Variants in SGMS1 observed in about 807,000 individuals in gnomAD.
SGMS1 encodes phosphatidylcholine:ceramide cholinephosphotransferase 1.
Under a neutral mutation model 46.2 loss-of-function variants are expected in SGMS1, and 13 were observed. That is an observed-to-expected ratio of 0.28 (90% CI 0.18 to 0.45). The LOEUF (loss-of-function observed/expected upper bound fraction) is 0.45, where lower values mean the gene tolerates loss of function less well. Ranked by LOEUF, SGMS1 falls within the 20% of genes least tolerant of loss-of-function variation. SGMS1 has a pLI of 1.00. For synonymous variants in SGMS1, 203 were observed against 187.8 expected (o/e 1.08, Z -0.66); for missense variants, 324 against 519.9 (o/e 0.62, Z 3.66).
rs138914828 is a variant in SGMS1, at chr10:50,516,253, C to T, written c.-498+3578G>A. Among the ~76,000 whole-genome samples, 7 of 152,326 alleles carry T rather than the reference C, an allele frequency of 4.6e-5. No homozygotes were observed. In the East Asian group the frequency reaches 1.3e-3, roughly 29 times the overall value. On this transcript the variant is annotated intron_variant, in intron 3 of 10. Transcript: ENST00000361781. ...AAGCCCAAGGCAACTTAGCATTCTA[C>T]AGACCAAAAATTTCATGCTGCTTTC... is the stretch of plus-strand genomic sequence containing the variant.
At chr10:50,360,191 A>T (rs997662345) in intron 6 of SGMS1, among the ~76,000 whole-genome samples, 1 of 152,332 alleles carries the variant, frequency 6.6e-6, no homozygotes, top group Admixed American at 6.5e-5. Flanking sequence ...CAAATTCTTC[A>T]TATTCCCAAG....
intron 2 of SGMS1, among the ~76,000 whole-genome samples, chr10:50,527,735 G>A (rs567777657): frequency 1.3e-5 from 2 of 152,282 alleles, no homozygotes; most frequent in African/African-American, 4.8e-5. Flanking sequence ...TAAGCACTCC[G>A]TAGCAACCCA....
chr10:50,550,903 T>G (rs1838143359), intron 2 of SGMS1, among the ~76,000 whole-genome samples: 1 of 152,190 alleles, frequency 6.6e-6, no homozygotes, highest in African/African-American at 2.4e-5. Context: ...CATTATAACC[T>G]GAAGCATAAA....
intron 3 of SGMS1, among the ~76,000 whole-genome samples, chr10:50,509,680 G>A (rs570974536): frequency 6.6e-6 from 1 of 152,168 alleles, no homozygotes; most frequent in Non-Finnish European, 1.5e-5. Context: ...AAGATCATTA[G>A]AGCATCCACC....
At chr10:50,479,578 T>A (rs1057314706) in intron 3 of SGMS1, among the ~76,000 whole-genome samples, 4 of 152,214 alleles carry the variant, frequency 2.6e-5, no homozygotes, top group African/African-American at 7.2e-5. Context: ...TATATTTTTT[T>A]CTTACTTTTC....
At chr10:50,494,297 A>T (rs941629119) in intron 3 of SGMS1, among the ~76,000 whole-genome samples, 15 of 152,238 alleles carry the variant, frequency 9.9e-5, no homozygotes, top group African/African-American at 3.6e-4. Context: ...CAAAAAATAA[A>T]AATCATTCTA....
chr10:50,375,059 GTCA>G (rs1302835674), intron 6 of SGMS1, among the ~76,000 whole-genome samples: 1 of 151,998 alleles, frequency 6.6e-6, no homozygotes, highest in Non-Finnish European at 1.5e-5. Flanking sequence ...TAGGGCTGTG[GTCA>G]AGACTATTAA....
At chr10:50,562,792 C>T (rs888133176) in intron 2 of SGMS1, among the ~76,000 whole-genome samples, 3 of 152,182 alleles carry the variant, frequency 2.0e-5, no homozygotes, top group Non-Finnish European at 2.9e-5. Context: ...GATCCGCCCG[C>T]CTTGGCCTCC....
chr10:50,560,171 A>G (rs1465902952), intron 2 of SGMS1, among the ~76,000 whole-genome samples: 1 of 145,760 alleles, frequency 6.9e-6, no homozygotes, highest in Non-Finnish European at 1.5e-5. Flanking sequence ...TATATTATAC[A>G]TTACATATAT....
intron 2 of SGMS1, among the ~76,000 whole-genome samples, chr10:50,521,074 C>T (rs1399978218): frequency 6.6e-6 from 1 of 151,838 alleles, no homozygotes; most frequent in Non-Finnish European, 1.5e-5. Flanking sequence ...TGGGGTCTTG[C>T]TATGTGCTGG....
At chr10:50,513,282 T>C (rs994431359) in intron 3 of SGMS1, among the ~76,000 whole-genome samples, 1 of 152,158 alleles carries the variant, frequency 6.6e-6, no homozygotes, top group Non-Finnish European at 1.5e-5. Context: ...CAATGGTCCC[T>C]GGGAAAAACA....
At position 50,610,438 on chromosome 10, in the gene SGMS1, A is replaced by G. The variant is rs189118669; in HGVS notation, c.-684+13269T>C. On this transcript the variant is annotated intron_variant, in intron 1 of 10. Coordinates refer to ENST00000361781, the MANE Select transcript of SGMS1 (RefSeq NM_147156.4). ...GTGGCTTCAGGAAACCCATCCAGGG[A>G]CCCCCAATAAGAACCTGTGGGCCAC... Among the ~76,000 whole-genome samples the G allele has an allele frequency of 2.3e-3, 352 of 152,232 alleles. 2 individuals are homozygous for G. The highest frequency in any genetic ancestry group is 6.8e-3 in the South Asian group (33 of 4,818).
intron 6 of SGMS1, among the ~76,000 whole-genome samples, chr10:50,410,109 T>C (rs1180102891): frequency 6.6e-6 from 1 of 152,228 alleles, no homozygotes; most frequent in Non-Finnish European, 1.5e-5. Flanking sequence ...TACTCTAGTT[T>C]CTTTTACTCG....
intron 5 of SGMS1, among the ~76,000 whole-genome samples, chr10:50,438,008 C>A (rs188797597): frequency 2.5e-4 from 38 of 152,296 alleles, no homozygotes; most frequent in Non-Finnish European, 4.0e-4. Flanking sequence ...AAAAGCCACT[C>A]AGGGCTGTTG....
chr10:50,530,492 C>T (rs1157141029), intron 2 of SGMS1, among the ~76,000 whole-genome samples: 1 of 152,122 alleles, frequency 6.6e-6, no homozygotes, highest in Non-Finnish European at 1.5e-5. Context: ...GCAGAATCTT[C>T]TTTTTTTAGA....
intron 6 of SGMS1, among the ~76,000 whole-genome samples, chr10:50,359,900 A>G (rs1283711932): frequency 6.6e-6 from 1 of 152,140 alleles, no homozygotes; most frequent in Non-Finnish European, 1.5e-5. Flanking sequence ...AAAAGGGTTA[A>G]CTTCTTAACC....
At chr10:50,469,050 TTA>T (rs1837356032) in intron 3 of SGMS1, among the ~76,000 whole-genome samples, 1 of 152,140 alleles carries the variant, frequency 6.6e-6, no homozygotes, top group Non-Finnish European at 1.5e-5. Context: ...ATAACAGAGG[TTA>T]TGTTGTAACT....
At chr10:50,428,955 A>C (rs1399013136) in intron 6 of SGMS1, among the ~76,000 whole-genome samples, 1 of 152,214 alleles carries the variant, frequency 6.6e-6, no homozygotes, top group Non-Finnish European at 1.5e-5. Context: ...CGTTAGCCTA[A>C]AGTTGGGTAA....
intron 6 of SGMS1, among the ~76,000 whole-genome samples, chr10:50,407,074 C>T (rs1423902071): frequency 6.6e-6 from 1 of 152,040 alleles, no homozygotes; most frequent in Non-Finnish European, 1.5e-5. Context: ...AGTTTCTGCT[C>T]CCAGACTGAA....
Sources: gnomAD v4.1 joint callset for allele counts (sites outside exome capture counted in the v4.1 genomes callset) on GRCh38, gnomAD v4.1.1 for gene constraint, MANE v1.5 for transcripts, NCBI Gene and HGNC (gene_info 2026-07-23, HGNC 2026-07-21) for gene names.